Variants in C2CD3 observed in about 807,000 individuals in gnomAD.
C2CD3 encodes C2 domain containing 3 centriole elongation regulator, also known as C2 domain-containing protein 3.
C2CD3 carries 148 observed loss-of-function variants against 234.0 expected under a neutral mutation model. The observed-to-expected ratio is 0.63, with a 90% CI of 0.55 to 0.72. The LOEUF (loss-of-function observed/expected upper bound fraction) is 0.72, where lower values mean the gene tolerates loss of function less well. Among genes scored for constraint, C2CD3 ranks in the 30% least tolerant of loss-of-function variants. The probability of loss-of-function intolerance (pLI) is 0.00; values close to 1 mark genes in which losing one functional copy is unlikely to be tolerated. For missense variants in C2CD3, 2,577 were observed against 2,811.5 expected (o/e 0.92, Z 1.89); for synonymous variants, 1,000 against 1,035.4 (o/e 0.97, Z 0.66).
intron 24 of C2CD3, 151 bp from the exon 25 acceptor site, chr11:74,057,695 G>T: frequency 2.5e-6 from 2 of 806,998 alleles, no homozygotes; most frequent in Non-Finnish European, 3.9e-6. Context: ...TTCAGGCTGG[G>T]TGTAGTGGCT....
Position 74,074,605 on chromosome 11 carries a change from A to G in C2CD3, c.4604-5T>C. 1 of 1,603,616 alleles carries G rather than the reference A, an allele frequency of 6.2e-7. No individual in the cohort carries two copies. Among genetic ancestry groups the G allele is most frequent in the Non-Finnish European group, 8.5e-7 (1 of 1,173,982 alleles). ...GTCCAAACAGAGGATACACACCTAA[A>G]AGAAGATGGAGAAGAATAAGGCTAG... On this transcript the variant is annotated splice_polypyrimidine_tract_variant and splice_region_variant and intron_variant, in intron 23 of 32. Transcript: ENST00000334126.
At chr11:74,057,289 G>A in intron 25 of C2CD3, 117 bp downstream of exon 25, 1 of 990,184 alleles carries the variant, frequency 1.0e-6, no homozygotes, top group Non-Finnish European at 1.5e-6. Context: ...GCTTGGATAA[G>A]AAAAGCATTT....
chr11:74,020,911 C>A (rs1350124417), intron 32 of C2CD3, among the ~76,000 whole-genome samples: 1 of 152,072 alleles, frequency 6.6e-6, no homozygotes, highest in Admixed American at 6.5e-5. Context: ...TAACAGGATG[C>A]TGTATGGGGA....
chr11:74,122,873 C>T (rs1957263601), intron 8 of C2CD3, 115 bp downstream of exon 8: 2 of 713,008 alleles, frequency 2.8e-6, no homozygotes, highest in Non-Finnish European at 4.6e-6. Flanking sequence ...TTGAGGTTGT[C>T]ATTAAAATTA....
chr11:74,013,607 T>C, intron 32 of C2CD3, 82 bp from the exon 33 acceptor site: 1 of 901,372 alleles, frequency 1.1e-6, no homozygotes, highest in Non-Finnish European at 1.5e-6. Context: ...CATCTTTTGG[T>C]CCTTTGGTTA....
At chr11:74,141,301 T>C (rs1277085655) in intron 3 of C2CD3, among the ~76,000 whole-genome samples, 2 of 152,224 alleles carry the variant, frequency 1.3e-5, no homozygotes, top group African/African-American at 2.4e-5. Context: ...TGAAGATCTT[T>C]GTACAAAGAC....
intron 28 of C2CD3, among the ~76,000 whole-genome samples, chr11:74,043,024 A>C (rs191106672): frequency 2.8e-4 from 42 of 152,358 alleles, no homozygotes; most frequent in East Asian, 5.8e-4. Flanking sequence ...CATGCCATAC[A>C]ATTCACCTAT....
chr11:74,017,110 G>C (rs2135398480), intron 32 of C2CD3, among the ~76,000 whole-genome samples: 1 of 152,328 alleles, frequency 6.6e-6, no homozygotes, highest in Admixed American at 6.5e-5. Flanking sequence ...TGCAGGTATG[G>C]AGAACAGCCA....
chr11:74,041,671 T>C (rs574936337), intron 29 of C2CD3, among the ~76,000 whole-genome samples: 1 of 152,328 alleles, frequency 6.6e-6, no homozygotes, highest in African/African-American at 2.4e-5. Context: ...ACAGCGATTC[T>C]CTGGCTCAGG....
chr11:74,034,071 C>G lies in C2CD3; in HGVS notation c.6089G>C (p.Gly2030Ala), dbSNP rs966681458. The G allele has an allele frequency of 1.7e-5, 26 of 1,536,214 alleles. No individual in the cohort carries two copies. The highest frequency in any genetic ancestry group is 2.0e-5 in the Non-Finnish European group (23 of 1,146,962). The change falls in exon 31 of 33, where the codon GGA becomes GCA. Residue 2030 changes from glycine (G) to alanine (A), a missense_variant. Transcript: ENST00000334126. ...SPPPLEETSN[G>A]GRMLHESLRH... ...CAGGGACTCATGGAGCATTCTTCCT[C>G]CATTTGAAGTCTCTTCGAGAGGAGG...
At position 74,033,664 on chromosome 11, in the gene C2CD3, C is replaced by G. The variant is rs1356643128; in HGVS notation, c.6496G>C (p.Glu2166Gln). 2.0e-6 allele frequency: 3 copies of G among 1,536,188 alleles called. No homozygotes were observed. Among genetic ancestry groups the G allele is most frequent in the East Asian group, 4.9e-5 (2 of 40,910 alleles). ...CEASKARVGGESASANPQPIP... is the reference protein window; with the variant it reads ...CEASKARVGGQSASANPQPIP... ...GGCTGAGGGTTGGCTGAGGCAGACT[C>G]GCCACCAACCCTGGCCTTAGAGGCC... Residue 2166 changes from glutamate to glutamine, a missense_variant, in exon 31 of 33, where the codon GAG (glutamate) becomes CAG (glutamine). Transcript: ENST00000334126.
At chr11:74,144,688 G>C (rs1855050480) in intron 3 of C2CD3, among the ~76,000 whole-genome samples, 1 of 152,110 alleles carries the variant, frequency 6.6e-6, no homozygotes, top group Non-Finnish European at 1.5e-5. Context: ...CCACTTGTAA[G>C]TGAGAACGTG....
intron 22 of C2CD3, among the ~76,000 whole-genome samples, chr11:74,079,254 A>G (rs1334942157): frequency 6.6e-6 from 1 of 152,154 alleles, no homozygotes. Flanking sequence ...ATCTTTCTCT[A>G]TTGCCCGCCT....
Position 74,078,202 on chromosome 11 carries a change from G to T in C2CD3, c.4516C>A (p.Pro1506Thr). ...CCAATCCAGCTGTCTGTCTGATGGG[G>T]TCTCTCCACACTGTCATTGCCATAA... ...RAYGNDSVER[P>T]HQTDSWIGSA... The change falls in exon 23 of 33, where the codon CCC becomes ACC. Residue 1506 changes from proline to threonine, a missense_variant. Coordinates refer to ENST00000334126, the MANE Select transcript of C2CD3 (RefSeq NM_001286577.2). The T allele has an allele frequency of 6.2e-7, 1 of 1,614,062 alleles. No homozygotes were observed. The highest frequency in any genetic ancestry group is 1.3e-5 in the African/African-American group (1 of 75,022).
chr11:74,144,473 C>T (rs892143002), intron 3 of C2CD3, among the ~76,000 whole-genome samples: 12 of 152,148 alleles, frequency 7.9e-5, no homozygotes, highest in Admixed American at 5.2e-4. Context: ...ATTTTAGGTT[C>T]GGGGTACATG....
chr11:74,099,814 T>C (rs1173265569), intron 15 of C2CD3, among the ~76,000 whole-genome samples: 1 of 150,288 alleles, frequency 6.7e-6, no homozygotes, highest in Non-Finnish European at 1.5e-5. Flanking sequence ...AAGAATGGCG[T>C]GAACCCAGGA....
intron 3 of C2CD3, among the ~76,000 whole-genome samples, chr11:74,140,654 T>G (rs1474900246): frequency 6.6e-6 from 1 of 152,236 alleles, no homozygotes; most frequent in Non-Finnish European, 1.5e-5. Flanking sequence ...TTCTTCATTT[T>G]TCTATCGACT....
chr11:74,103,403 A>G lies in C2CD3; in HGVS notation c.2308T>C (p.Ser770Pro), dbSNP rs1329450733. 6.2e-7 allele frequency: 1 copy of G among 1,614,044 alleles called. No homozygotes were observed. The highest frequency in any genetic ancestry group is 1.7e-5 in the Admixed American group (1 of 60,002). The change falls in exon 14 of 33, where the codon TCA becomes CCA. Residue 770 changes from serine (S) to proline (P), a missense_variant. Transcript: ENST00000334126. ...AQNLVLPNRK[S>P]PSPVAPHPST... Reference sequence around the variant, plus strand: ...GGATGTGGTGCTACAGGGCTTGGTGACTTTCGGTTGGGGAGCACCAAGTTC... The same window carrying G: ...GGATGTGGTGCTACAGGGCTTGGTGGCTTTCGGTTGGGGAGCACCAAGTTC...
In C2CD3 at chr11:74,033,689, C is replaced by G; in HGVS notation, c.6471G>C (p.Glu2157Asp). The part of the protein sequence containing the change: ...PSQSLVACEC[E>D]ASKARVGGES... Reference sequence around the variant, plus strand: ...CGCCACCAACCCTGGCCTTAGAGGCCTCACACTCACAAGCAACAAGACTTT... The same window carrying G: ...CGCCACCAACCCTGGCCTTAGAGGCGTCACACTCACAAGCAACAAGACTTT... Residue 2157 changes from glutamate to aspartate, a missense_variant, in exon 31 of 33, where the codon GAG becomes GAC. Glu to Asp is a conservative substitution (Grantham distance 45). Coordinates refer to ENST00000334126, the MANE Select transcript of C2CD3 (RefSeq NM_001286577.2). The G allele has an allele frequency of 6.5e-7, 1 of 1,536,324 alleles. No homozygotes were observed.
Sources: allele counts gnomAD v4.1 joint callset (sites outside exome capture counted in the v4.1 genomes callset), GRCh38; gene constraint gnomAD v4.1.1; transcripts MANE v1.5; gene names NCBI Gene and HGNC (gene_info 2026-07-23, HGNC 2026-07-21).